The following ANKRD11 variants were observed in gnomAD, a reference collection of about 807,000 sequenced individuals.
The protein encoded by ANKRD11 is ankyrin repeat domain 11.
ANKRD11 carries 17 observed loss-of-function variants against 195.7 expected under a neutral mutation model. The ratio of observed to expected loss-of-function variants is 0.09; its 90% confidence interval spans 0.06 to 0.13. ANKRD11 has a LOEUF of 0.13. Among genes scored for constraint, ANKRD11 ranks in the 10% least tolerant of loss-of-function variants. The probability of loss-of-function intolerance (pLI) is 1.00; values close to 1 mark genes in which losing one functional copy is unlikely to be tolerated. For missense variants in ANKRD11, 3,735 were observed against 3,566.1 expected, an observed-to-expected ratio of 1.05 and a Z score of -1.21; for synonymous variants, 1,953 against 1,528.1, an observed-to-expected ratio of 1.28 and a Z score of -6.49.
intron 1 of ANKRD11, among the ~76,000 whole-genome samples, chr16:89,421,749 C>T (rs538436318): frequency 2.9e-4 from 41 of 140,436 alleles, no homozygotes; most frequent in African/African-American, 1.0e-3. Flanking sequence ...TGTGTGATGA[C>T]GGAGTCAGGG....
intron 1 of ANKRD11, among the ~76,000 whole-genome samples, chr16:89,440,001 C>G (rs369875707): frequency 7.2e-5 from 11 of 152,332 alleles, no homozygotes; most frequent in African/African-American, 2.6e-4. Flanking sequence ...TACCTTAACT[C>G]CATAATCTGT....
chr16:89,401,163 G>T (rs1029152388), intron 2 of ANKRD11, among the ~76,000 whole-genome samples: 1 of 133,276 alleles, frequency 7.5e-6, no homozygotes, highest in African/African-American at 2.9e-5. Flanking sequence ...GTGTGATCTC[G>T]ACTCATTGCA....
chr16:89,312,274 A>G (rs1320165662), intron 3 of ANKRD11, among the ~76,000 whole-genome samples: 1 of 152,264 alleles, frequency 6.6e-6, no homozygotes, highest in East Asian at 1.9e-4. Flanking sequence ...GCCTCAGTGC[A>G]GACGGCATGT....
At chr16:89,352,212 G>T (rs2039252306) in intron 2 of ANKRD11, among the ~76,000 whole-genome samples, 1 of 150,756 alleles carries the variant, frequency 6.6e-6, no homozygotes, top group African/African-American at 2.5e-5. Context: ...TGAAAAGCAT[G>T]AGACACGTTT....
intron 4 of ANKRD11, chr16:89,301,467 G>A: frequency 2.5e-6 from 1 of 398,064 alleles, no homozygotes; most frequent in Non-Finnish European, 4.4e-6. Flanking sequence ...GACAGGGCAG[G>A]CAGAGCAGGG....
At chr16:89,381,324 T>C in intron 2 of ANKRD11, among the ~76,000 whole-genome samples, 1 of 102,076 alleles carries the variant, frequency 9.8e-6, no homozygotes, top group African/African-American at 4.4e-5. Flanking sequence ...AGAGCGAGAC[T>C]CTGCTGCAAA....
chr16:89,392,739 C>T (rs574186437), intron 2 of ANKRD11: 1 of 147,602 alleles, frequency 6.8e-6, no homozygotes, highest in African/African-American at 2.5e-5. Flanking sequence ...CTAGGATGTC[C>T]GGCACACCCA....
In ANKRD11 at chr16:89,279,058, G is replaced by T; in HGVS notation, c.7470+14C>A. On this transcript the variant is annotated intron_variant, in intron 9 of 12. Coordinates refer to ENST00000301030, the MANE Select transcript of ANKRD11 (RefSeq NM_013275.6). The surrounding 1 kb of genome is among the most constrained non-coding windows in gnomAD (Gnocchi z 5.6). Reference sequence around the variant, plus strand: ...GAGAGAGAAGGCAGTGGCTCTCCCGGGCCCCGCACTCACCACGGGGATGTG... The same window carrying T: ...GAGAGAGAAGGCAGTGGCTCTCCCGTGCCCCGCACTCACCACGGGGATGTG... 1 of 1,613,430 alleles carries T rather than the reference G, an allele frequency of 6.2e-7. No individual in the cohort carries two copies. Among genetic ancestry groups the T allele is most frequent in the East Asian group, 2.2e-5 (1 of 44,844 alleles).
At chr16:89,454,857 G>C (rs2056359850) in intron 1 of ANKRD11, among the ~76,000 whole-genome samples, 1 of 92,718 alleles carries the variant, frequency 1.1e-5, no homozygotes. Flanking sequence ...TGTTTCTAGG[G>C]TTCCTCAAGC....
intron 1 of ANKRD11, among the ~76,000 whole-genome samples, chr16:89,476,976 G>C (rs553734352): frequency 1.3e-5 from 2 of 152,188 alleles, no homozygotes; most frequent in Non-Finnish European, 2.9e-5. Context: ...CGAGGAGCTC[G>C]TTAAGCTCAG....
intron 2 of ANKRD11, among the ~76,000 whole-genome samples, chr16:89,348,639 T>G (rs1232447745): frequency 1.3e-5 from 2 of 152,224 alleles, no homozygotes; most frequent in Non-Finnish European, 2.9e-5. Flanking sequence ...TACAGGACTA[T>G]TTAAGCTATC....
intron 4 of ANKRD11, among the ~76,000 whole-genome samples, chr16:89,297,160 G>T (rs1269425163): frequency 3.3e-5 from 5 of 152,200 alleles, no homozygotes; most frequent in African/African-American, 9.6e-5. Flanking sequence ...AATGCCTTTT[G>T]TATCAATCAT....
rs2034602923 is a variant in ANKRD11 at position 89,285,762 on chromosome 16, C to T, written c.893-113G>A. On this transcript the variant is annotated intron_variant, in intron 8 of 12. Coordinates refer to ENST00000301030, the MANE Select transcript of ANKRD11 (RefSeq NM_013275.6). This position sits in a 1 kb window ranked among gnomAD's most constrained non-coding sequence, Gnocchi z 5.6. ...CTGCGGGAAGGTTCCCACCCTGCCTCTGCAGAGACACTTTGCTCGACTCAT... is the reference window on the plus strand; with the variant it reads ...CTGCGGGAAGGTTCCCACCCTGCCTTTGCAGAGACACTTTGCTCGACTCAT... The T allele has an allele frequency of 2.4e-6, 3 of 1,247,414 alleles. No homozygotes were observed. In the South Asian group the frequency reaches 3.7e-5, roughly 15 times the overall value. The allele number at this position is 1,247,414 out of a possible 1,614,324, so 77.3% of individuals were successfully genotyped here.
In ANKRD11 at chr16:89,305,321, G is replaced by A. The variant is rs1240138092; in HGVS notation, c.111C>T (p.Thr37=). 2.5e-6 allele frequency: 4 copies of A among 1,613,820 alleles called. No homozygotes were observed. The highest frequency in any genetic ancestry group is 3.3e-5 in the Admixed American group (2 of 59,988). ...CGCCACGCTCCAGTTTTGGGGTCTT[G>A]GTTAGAGAAACTTTATCTTTATCCT... ...GKKDKDKVSL[T]KTPKLERGDG... is the part of the protein sequence containing the mutation. Residue 37 remains threonine (T), a synonymous_variant, in exon 4 of 13, where the codon ACC becomes ACT. Transcript: ENST00000301030.
chr16:89,277,366 C>T (rs1303726666), intron 9 of ANKRD11: 3 of 152,262 alleles, frequency 2.0e-5, no homozygotes, highest in African/African-American at 7.2e-5. Context: ...CTGCCTGGGT[C>T]TAGGTCTGGG....
chr16:89,441,281 G>A (rs1032482365), intron 1 of ANKRD11, among the ~76,000 whole-genome samples: 2 of 151,838 alleles, frequency 1.3e-5, no homozygotes, highest in Admixed American at 6.6e-5. Context: ...AAACCCTCTG[G>A]AGTGAAGTCC....
chr16:89,365,808 C>G (rs937142384), intron 2 of ANKRD11, among the ~76,000 whole-genome samples: 4 of 152,038 alleles, frequency 2.6e-5, no homozygotes, highest in African/African-American at 7.3e-5. Context: ...TTTCATCACC[C>G]AGGTGTTAAG....
intron 2 of ANKRD11, among the ~76,000 whole-genome samples, chr16:89,359,756 G>A (rs1245852934): frequency 6.6e-6 from 1 of 152,172 alleles, no homozygotes; most frequent in Non-Finnish European, 1.5e-5. Context: ...GCCAGCAGAA[G>A]ATGTTTGCAT....
intron 4 of ANKRD11, chr16:89,299,760 C>CTG: frequency 6.9e-6 from 1 of 144,412 alleles, no homozygotes; most frequent in Non-Finnish European, 1.3e-5. Context: ...TGTGGGGTGC[C>CTG]TGCCCTGTGT....
Sources: allele counts gnomAD v4.1 joint callset (sites outside exome capture counted in the v4.1 genomes callset), GRCh38; gene constraint gnomAD v4.1.1; non-coding constraint Gnocchi (gnomAD v3.1); transcripts MANE v1.5; gene names NCBI Gene and HGNC (gene_info 2026-07-23, HGNC 2026-07-21).